Variants in PARN observed in about 807,000 individuals in gnomAD.
PARN encodes the protein poly(A)-specific ribonuclease PARN.
Under a neutral mutation model 102.8 loss-of-function variants are expected in PARN, and 71 were observed. That is an observed-to-expected ratio of 0.69 (90% CI 0.57 to 0.84). PARN has a LOEUF of 0.84. Among genes scored for constraint, PARN ranks in the 40% least tolerant of loss-of-function variants. PARN has a pLI of 0.00. For missense variants in PARN, 782 were observed against 760.9 expected, an observed-to-expected ratio of 1.03 and a Z score of -0.33; for synonymous variants, 261 against 252.9, an observed-to-expected ratio of 1.03 and a Z score of -0.30.
chr16:14,610,828 A>G lies in PARN; in HGVS notation c.389-19T>C, dbSNP rs768266740. On this transcript the variant is annotated intron_variant, in intron 6 of 23. Transcript: ENST00000437198. ...GGAATTCCTAAACACGATTTTAAAA[A>G]GAATGCATTAGCAGAAGTAACTGTC... 6 of 1,544,556 alleles carry G rather than the reference A, an allele frequency of 3.9e-6. No individual in the cohort carries two copies. Among genetic ancestry groups the G allele is most frequent in the Non-Finnish European group, 4.5e-6 (5 of 1,118,092 alleles).
intron 22 of PARN, among the ~76,000 whole-genome samples, chr16:14,480,405 T>C (rs762483691): frequency 1.3e-5 from 2 of 152,054 alleles, no homozygotes; most frequent in African/African-American, 4.8e-5. Flanking sequence ...AACCACAGAA[T>C]TGAAAAAATA....
intron 21 of PARN, among the ~76,000 whole-genome samples, chr16:14,512,983 G>A (rs760860561): frequency 2.0e-5 from 3 of 152,120 alleles, no homozygotes; most frequent in Non-Finnish European, 4.4e-5. Flanking sequence ...GTGCAGTGGC[G>A]TGATCTTGGC....
intron 13 of PARN, among the ~76,000 whole-genome samples, chr16:14,586,792 A>G (rs1305873661): frequency 1.3e-5 from 2 of 152,220 alleles, no homozygotes; most frequent in African/African-American, 4.8e-5. Context: ...TTACACAGGA[A>G]ATGGGCATAC....
At chr16:14,502,175 T>C (rs947155827) in intron 21 of PARN, among the ~76,000 whole-genome samples, 1 of 152,176 alleles carries the variant, frequency 6.6e-6, no homozygotes, top group African/African-American at 2.4e-5. Flanking sequence ...AGGGAAAGCA[T>C]CTAAGACTGG....
intron 12 of PARN, among the ~76,000 whole-genome samples, chr16:14,597,977 C>A (rs1970629270): frequency 6.6e-6 from 1 of 151,966 alleles, no homozygotes; most frequent in South Asian, 2.1e-4. Flanking sequence ...AAGCCCGTCT[C>A]AACTAAAAAT....
At chr16:14,540,753 A>G (rs1966809684) in intron 21 of PARN, among the ~76,000 whole-genome samples, 1 of 151,952 alleles carries the variant, frequency 6.6e-6, no homozygotes, top group Non-Finnish European at 1.5e-5. Context: ...GGAATTGAAG[A>G]CCAGCCTGGG....
intron 13 of PARN, 64 bp from the exon 14 acceptor site, chr16:14,586,425 T>G: frequency 1.0e-6 from 1 of 957,186 alleles, no homozygotes; most frequent in South Asian, 1.4e-5. Context: ...AAAAAACATG[T>G]AAACAGCTCA....
chr16:14,622,985 T>C (rs1972413690), intron 5 of PARN, among the ~76,000 whole-genome samples: 1 of 151,930 alleles, frequency 6.6e-6, no homozygotes, highest in South Asian at 2.1e-4. Context: ...GTGCCTGTAG[T>C]TCCAGCTACT....
intron 5 of PARN, among the ~76,000 whole-genome samples, chr16:14,625,059 C>T (rs2151820108): frequency 6.6e-6 from 1 of 152,056 alleles, no homozygotes; most frequent in East Asian, 1.9e-4. Flanking sequence ...CTCATTGCCA[C>T]CCTCTGCTTT....
intron 5 of PARN, among the ~76,000 whole-genome samples, chr16:14,620,363 C>A (rs980862241): frequency 1.3e-5 from 2 of 152,062 alleles, no homozygotes; most frequent in East Asian, 3.9e-4. Context: ...GGCGACAGAG[C>A]GAGACTCCAT....
intron 21 of PARN, among the ~76,000 whole-genome samples, chr16:14,506,944 A>C (rs1964926537): frequency 6.7e-6 from 1 of 150,072 alleles, no homozygotes; most frequent in Admixed American, 6.6e-5. Flanking sequence ...GTAATCAAAG[A>C]AATGCCAGTA....
At chr16:14,441,337 T>C (rs1348811449) in intron 23 of PARN, among the ~76,000 whole-genome samples, 1 of 152,216 alleles carries the variant, frequency 6.6e-6, no homozygotes, top group Non-Finnish European at 1.5e-5. Context: ...AAGGTGAATA[T>C]TTCTGCTTTT....
intron 21 of PARN, among the ~76,000 whole-genome samples, chr16:14,525,023 C>T (rs1330224838): frequency 6.6e-6 from 1 of 152,178 alleles, no homozygotes; most frequent in Non-Finnish European, 1.5e-5. Flanking sequence ...CAGTCTATAA[C>T]AGAAACAACT....
intron 21 of PARN, among the ~76,000 whole-genome samples, chr16:14,498,731 A>T (rs938081293): frequency 6.6e-6 from 1 of 152,260 alleles, no homozygotes; most frequent in Admixed American, 6.5e-5. Context: ...CTCTCTCCAG[A>T]CTATGGGTTG....
At chr16:14,463,583 G>A (rs1339275513) in intron 22 of PARN, among the ~76,000 whole-genome samples, 1 of 151,974 alleles carries the variant, frequency 6.6e-6, no homozygotes, top group Non-Finnish European at 1.5e-5. Flanking sequence ...AAAATGATAA[G>A]CTACAAACCA....
chr16:14,628,499 A>T (rs1455963703), intron 2 of PARN, among the ~76,000 whole-genome samples: 2 of 152,228 alleles, frequency 1.3e-5, no homozygotes, highest in African/African-American at 2.4e-5. Flanking sequence ...ACATGACTTA[A>T]AACACAGTAA....
chr16:14,447,946 CTATCT>C (rs1374368075), intron 22 of PARN, among the ~76,000 whole-genome samples: 1 of 103,342 alleles, frequency 9.7e-6, no homozygotes, highest in Non-Finnish European at 2.0e-5. Context: ...TTTTATCTAT[CTATCT>C]ATCTATCTAT....
At chr16:14,565,393 T>C (rs1237861680) in intron 18 of PARN, among the ~76,000 whole-genome samples, 1 of 137,214 alleles carries the variant, frequency 7.3e-6, no homozygotes, top group Non-Finnish European at 1.6e-5. Flanking sequence ...CTTAAATACA[T>C]ACACTAGAAA....
intron 21 of PARN, among the ~76,000 whole-genome samples, chr16:14,512,721 T>G (rs1438157735): frequency 6.6e-6 from 1 of 152,206 alleles, no homozygotes; most frequent in Non-Finnish European, 1.5e-5. Context: ...CTTATGGGAC[T>G]CCAAAAATGG....
Sources: allele counts gnomAD v4.1 joint callset (sites outside exome capture counted in the v4.1 genomes callset), GRCh38; gene constraint gnomAD v4.1.1; transcripts MANE v1.5; gene names NCBI Gene and HGNC (gene_info 2026-07-23, HGNC 2026-07-21).